DNAJC17: variants seen among roughly 807,000 people sequenced by gnomAD.
DNAJC17 encodes DnaJ heat shock protein family (Hsp40) member C17.
DNAJC17 carries 35 observed loss-of-function variants against 48.1 expected under a neutral mutation model. The observed-to-expected ratio is 0.73, with a 90% CI of 0.56 to 0.96. The LOEUF (loss-of-function observed/expected upper bound fraction) is 0.96, where lower values mean the gene tolerates loss of function less well. Ranked by LOEUF, DNAJC17 falls within the 50% of genes least tolerant of loss-of-function variation. The probability of loss-of-function intolerance (pLI) is 0.00; values close to 1 mark genes in which losing one functional copy is unlikely to be tolerated. For synonymous variants in DNAJC17, 117 were observed against 142.7 expected, an observed-to-expected ratio of 0.82 and a Z score of 1.28; for missense variants, 355 against 377.1, an observed-to-expected ratio of 0.94 and a Z score of 0.48.
chr15:40,771,113 G>C, intron 10 of DNAJC17: 3 of 1,234,968 alleles, frequency 2.4e-6, no homozygotes, highest in Non-Finnish European at 3.4e-6. Flanking sequence ...CAGGCCCATC[G>C]CTGGAGGGTT....
At chr15:40,806,220 CTTTT>C (rs34520548) in intron 1 of DNAJC17, among the ~76,000 whole-genome samples, 2 of 122,880 alleles carry the variant, frequency 1.6e-5, no homozygotes. Context: ...TTTTTTTTTC[CTTTT>C]TTTTTTTTTT....
At chr15:40,794,938 C>A (rs532267582) in intron 1 of DNAJC17, among the ~76,000 whole-genome samples, 1 of 151,944 alleles carries the variant, frequency 6.6e-6, no homozygotes, top group Non-Finnish European at 1.5e-5. Context: ...AGGCTGGTCT[C>A]GAACTCCTGA....
intron 1 of DNAJC17, among the ~76,000 whole-genome samples, chr15:40,783,671 C>G (rs1889563869): frequency 6.6e-6 from 1 of 152,140 alleles, no homozygotes; most frequent in African/African-American, 2.4e-5. Context: ...TGAGACCAGC[C>G]TGGCCAACAT....
chr15:40,784,227 A>G (rs1194972284), intron 1 of DNAJC17, among the ~76,000 whole-genome samples: 3 of 152,084 alleles, frequency 2.0e-5, no homozygotes, highest in Non-Finnish European at 4.4e-5. Flanking sequence ...AAAAAAAAAA[A>G]GAAGGAGCAG....
intron 1 of DNAJC17, among the ~76,000 whole-genome samples, chr15:40,789,902 T>TAAAAAAAAAAA (rs1889747155): frequency 2.0e-4 from 1 of 5,026 alleles, no homozygotes; most frequent in African/African-American, 9.2e-4. Flanking sequence ...ACAGACTGTC[T>TAAAAAAAAAAA]CAAAAAAAAA....
chr15:40,781,561 A>T (rs999932287), intron 1 of DNAJC17, among the ~76,000 whole-genome samples: 15 of 152,040 alleles, frequency 9.9e-5, no homozygotes, highest in Admixed American at 3.9e-4. Flanking sequence ...GCTTATTAAA[A>T]TTTTTTTTAA....
At chr15:40,784,947 A>G (rs2141955028) in intron 1 of DNAJC17, among the ~76,000 whole-genome samples, 1 of 152,140 alleles carries the variant, frequency 6.6e-6, no homozygotes, top group South Asian at 2.1e-4. Flanking sequence ...AAAATACAAA[A>G]ATTAGCTGGG....
chr15:40,802,947 A>T (rs1416151200), intron 1 of DNAJC17, among the ~76,000 whole-genome samples: 1 of 152,106 alleles, frequency 6.6e-6, no homozygotes, highest in Non-Finnish European at 1.5e-5. Context: ...CTACAAAAAT[A>T]CAAAAATTAG....
At chr15:40,805,160 G>A (rs781456500) in intron 1 of DNAJC17, among the ~76,000 whole-genome samples, 3 of 151,844 alleles carry the variant, frequency 2.0e-5, no homozygotes, top group South Asian at 4.2e-4. Flanking sequence ...GGAAGATCAC[G>A]AGGTCAGGAA....
chr15:40,792,460 G>C, intron 1 of DNAJC17: 1 of 985,332 alleles, frequency 1.0e-6, no homozygotes, highest in Non-Finnish European at 1.2e-6. Context: ...TACCTGCCAA[G>C]ATGAATGAGC....
chr15:40,804,385 C>T (rs1281001346), intron 1 of DNAJC17, among the ~76,000 whole-genome samples: 1 of 151,432 alleles, frequency 6.6e-6, no homozygotes, highest in Non-Finnish European at 1.5e-5. Flanking sequence ...CGACACCAGC[C>T]TGGGCAATAT....
intron 1 of DNAJC17, among the ~76,000 whole-genome samples, chr15:40,786,530 G>A (rs986879108): frequency 6.6e-6 from 1 of 152,186 alleles, no homozygotes; most frequent in Non-Finnish European, 1.5e-5. Flanking sequence ...GTGTCTGCAG[G>A]TGCTGGGATC....
intron 1 of DNAJC17, among the ~76,000 whole-genome samples, chr15:40,801,737 CAAAAAAAAAA>C (rs1048222450): frequency 1.6e-5 from 1 of 63,848 alleles, no homozygotes; most frequent in Non-Finnish European, 3.5e-5. Flanking sequence ...GACTCCGTCT[CAAAAAAAAAA>C]AAAAAAAAAA....
At chr15:40,771,108 C>T in intron 10 of DNAJC17, 2 of 1,292,202 alleles carry the variant, frequency 1.5e-6, no homozygotes, top group South Asian at 1.4e-5. Context: ...GACTCCAGGC[C>T]CATCGCTGGA....
intron 1 of DNAJC17, among the ~76,000 whole-genome samples, chr15:40,786,446 T>C (rs1383783682): frequency 6.6e-6 from 1 of 152,108 alleles, no homozygotes; most frequent in East Asian, 1.9e-4. Flanking sequence ...GGAGGATCGC[T>C]TGAGCCCAGG....
Position 40,767,649 on chromosome 15 carries a change from C to T in DNAJC17, c.*291G>A. 5.2e-6 allele frequency: 3 copies of T among 580,504 alleles called. No individual in the cohort carries two copies. Among genetic ancestry groups the T allele is most frequent in the South Asian group, 2.4e-5 (1 of 41,474 alleles). The allele number at this position is 580,504 out of a possible 1,614,324, so 36.0% of individuals were successfully genotyped here. A position where few individuals can be genotyped will look rare whatever the true frequency, so the allele number is the denominator to read the frequency against. ...CCCGGGCCGGAGCTGGGCACTCCAG[C>T]GGCCCTGGCGCGTGGCTCCTGCATA... On this transcript the variant is annotated 3_prime_UTR_variant, in exon 11 of 11. Coordinates refer to ENST00000220496, the MANE Select transcript of DNAJC17 (RefSeq NM_018163.3).
intron 1 of DNAJC17, among the ~76,000 whole-genome samples, chr15:40,788,568 C>T (rs1466867120): frequency 2.0e-5 from 3 of 151,960 alleles, no homozygotes; most frequent in Admixed American, 6.6e-5. Flanking sequence ...TGGTGGCGGG[C>T]GCCTGTAGTC....
chr15:40,791,155 T>C (rs1428069173), intron 1 of DNAJC17, among the ~76,000 whole-genome samples: 3 of 152,188 alleles, frequency 2.0e-5, no homozygotes, highest in African/African-American at 4.8e-5. Flanking sequence ...CTGGACAATG[T>C]AGGGAGACCC....
chr15:40,798,988 G>A (rs1890006700), intron 1 of DNAJC17, among the ~76,000 whole-genome samples: 1 of 152,122 alleles, frequency 6.6e-6, no homozygotes, highest in Admixed American at 6.5e-5. Flanking sequence ...GGGAGGCTGA[G>A]GCGGGCGGAT....
Sources: allele counts gnomAD v4.1 joint callset (sites outside exome capture counted in the v4.1 genomes callset), GRCh38; gene constraint gnomAD v4.1.1; transcripts MANE v1.5; gene names NCBI Gene and HGNC (gene_info 2026-07-23, HGNC 2026-07-21).